The following CDH13 variants were observed in gnomAD, a reference collection of about 807,000 sequenced individuals.
The protein encoded by CDH13 is cadherin-13.
In CDH13, 24 loss-of-function variants were observed where a neutral mutation model predicts 63.8. That is an observed-to-expected ratio of 0.38 (90% CI 0.27 to 0.53). The LOEUF (loss-of-function observed/expected upper bound fraction) is 0.53. CDH13 is among the 20% of genes least tolerant of loss of function. The pLI is 0.85. For missense variants in CDH13, 1,049 were observed against 903.1 expected (o/e 1.16, Z -2.07); for synonymous variants, 503 against 355.3 (o/e 1.42, Z -4.67).
At position 83,305,000 on chromosome 16, in the gene CDH13, A is replaced by G. The variant is rs564517100; in HGVS notation, c.637-39862A>G. On this transcript the variant is annotated intron_variant, in intron 5 of 13. Coordinates refer to ENST00000567109, the MANE Select transcript of CDH13 (RefSeq NM_001257.5). Reference sequence around the variant, plus strand: ...TAAGCTCCAAGTATGTGTAATTGCAATGAGCCATATACGCATTCCCCACAG... The same window carrying G: ...TAAGCTCCAAGTATGTGTAATTGCAGTGAGCCATATACGCATTCCCCACAG... Among the ~76,000 whole-genome samples the G allele has an allele frequency of 6.8e-4, 104 of 152,340 alleles. No individual in the cohort carries two copies. The South Asian group carries it at 9.5e-3, about 14-fold the overall frequency.
chr16:83,552,875 T>G (rs997627590), intron 7 of CDH13, among the ~76,000 whole-genome samples: 1 of 152,166 alleles, frequency 6.6e-6, no homozygotes, highest in African/African-American at 2.4e-5. Context: ...GGTCAGGAGT[T>G]CGAGACCAGC....
rs528702523 is a variant in CDH13 at position 83,206,672 on chromosome 16, C to T, written c.484-10673C>T. 3.9e-5 allele frequency among the ~76,000 whole-genome samples: 6 copies of T among 152,356 alleles called. No individual in the cohort carries two copies. The East Asian group carries it at 1.2e-3, about 29-fold the overall frequency. On this transcript the variant is annotated intron_variant, in intron 4 of 13. Transcript: ENST00000567109. ...GCCACTGCTCCTAGGACCACAGAGT[C>T]TAATCAGAGAGATGGCTCTTAAACC...
At chr16:83,206,430 G>A (rs1040028327) in intron 4 of CDH13, among the ~76,000 whole-genome samples, 1 of 152,172 alleles carries the variant, frequency 6.6e-6, no homozygotes, top group Admixed American at 6.5e-5. Flanking sequence ...CACCCATGAC[G>A]TGCTGCAATG....
At chr16:82,700,760 G>A (rs557141558) in intron 1 of CDH13, among the ~76,000 whole-genome samples, 130 of 152,186 alleles carry the variant, frequency 8.5e-4, no homozygotes, top group African/African-American at 3.0e-3. Flanking sequence ...CAGTGATTAT[G>A]TTCCTGACAG....
At chr16:82,708,544 TG>T (rs1435958287) in intron 1 of CDH13, among the ~76,000 whole-genome samples, 3 of 152,220 alleles carry the variant, frequency 2.0e-5, no homozygotes, top group Non-Finnish European at 4.4e-5. Context: ...ATCTTGGATC[TG>T]GCCCCAGATA....
intron 3 of CDH13, among the ~76,000 whole-genome samples, chr16:83,097,900 T>C (rs1364436770): frequency 6.6e-6 from 1 of 152,104 alleles, no homozygotes; most frequent in Non-Finnish European, 1.5e-5. Context: ...TCATTCCTTC[T>C]TACAAAAAAT....
At chr16:82,710,555 A>ATG (rs1567649958) in intron 1 of CDH13, among the ~76,000 whole-genome samples, 268 of 77,900 alleles carry the variant, frequency 3.4e-3, no homozygotes, top group Non-Finnish European at 5.8e-3. Context: ...AAAAAAAAAT[A>ATG]TATATATATA....
intron 1 of CDH13, among the ~76,000 whole-genome samples, chr16:82,803,566 C>G (rs76012821): frequency 6.6e-6 from 1 of 152,000 alleles, no homozygotes; most frequent in Non-Finnish European, 1.5e-5. Flanking sequence ...CGCTCTAAGT[C>G]GTTTAGGTGT....
chr16:83,355,901 C>T (rs866236366), intron 6 of CDH13, among the ~76,000 whole-genome samples: 1 of 152,192 alleles, frequency 6.6e-6, no homozygotes, highest in Non-Finnish European at 1.5e-5. Flanking sequence ...CTATTATGTA[C>T]TGGATACTGG....
chr16:83,630,170 T>C (rs906756256), intron 8 of CDH13, among the ~76,000 whole-genome samples: 2 of 152,146 alleles, frequency 1.3e-5, no homozygotes, highest in African/African-American at 4.8e-5. Flanking sequence ...AGATCAGGCA[T>C]AGTTTTTAAC....
intron 5 of CDH13, among the ~76,000 whole-genome samples, chr16:83,252,820 A>G (rs572733402): frequency 2.0e-5 from 3 of 152,210 alleles, no homozygotes; most frequent in African/African-American, 7.2e-5. Context: ...GGAATTTCCT[A>G]GCCCCAAAAA....
rs367637876 is a variant in CDH13, at chr16:83,670,798, C to A, written c.1110C>A (p.Ala370=). 6.2e-7 allele frequency: 1 copy of A among 1,613,896 alleles called. No individual in the cohort carries two copies. Residue 370 remains alanine, a synonymous_variant, in exon 9 of 14, where the codon GCC becomes GCA. Coordinates refer to ENST00000567109, the MANE Select transcript of CDH13 (RefSeq NM_001257.5). ...ATCTGCTTTGTTTGCAGTTTCAAGC[C>A]ACAGTCGAGGAAGGAGCTGTGGGAG... ...SPKFTKKEFQ[A]TVEEGAVGVI...
chr16:83,295,085 T>C (rs1414296438), intron 5 of CDH13, among the ~76,000 whole-genome samples: 1 of 152,068 alleles, frequency 6.6e-6, no homozygotes, highest in African/African-American at 2.4e-5. Context: ...CATGCATCTA[T>C]GGCCAACTAA....
In CDH13 at chr16:83,217,382, G is replaced by C; in HGVS notation, c.521G>C (p.Arg174Pro). The C allele has an allele frequency of 6.2e-7, 1 of 1,613,824 alleles. No individual in the cohort carries two copies. Among genetic ancestry groups the C allele is most frequent in the Non-Finnish European group, 8.5e-7 (1 of 1,179,808 alleles). ...GACAGGCCAGAAAGGTCCAAGTTCC[G>C]GCTCACTGGAAAGGGAGTGGATCAA... is the stretch of plus-strand genomic sequence containing the variant. The part of the protein sequence containing the change: ...DSDRPERSKF[R>P]LTGKGVDQEP... The change falls in exon 5 of 14, where the codon CGG becomes CCG. Residue 174 changes from arginine (R) to proline (P), a missense_variant. Arg to Pro is a moderately radical substitution (Grantham distance 103). Transcript: ENST00000567109.
chr16:82,629,304 C>T (rs1006004676), intron 1 of CDH13, among the ~76,000 whole-genome samples: 1 of 152,122 alleles, frequency 6.6e-6, no homozygotes, highest in Non-Finnish European at 1.5e-5. Flanking sequence ...AAATGATTGC[C>T]CTGAGAGGCT....
chr16:83,234,194 C>A (rs55702292), intron 5 of CDH13, among the ~76,000 whole-genome samples: 2,663 of 152,300 alleles, frequency 0.017, 91 homozygotes, highest in African/African-American at 0.061. Context: ...GTTTTCTTTC[C>A]AGAGTGGGAG....
chr16:83,663,814 C>T (rs1444656505), intron 8 of CDH13, among the ~76,000 whole-genome samples: 4 of 152,076 alleles, frequency 2.6e-5, no homozygotes, highest in South Asian at 2.1e-4. Flanking sequence ...GTCTCTGACA[C>T]CACTCCGCAT....
At chr16:83,232,080 A>G (rs1235768472) in intron 5 of CDH13, among the ~76,000 whole-genome samples, 1 of 152,130 alleles carries the variant, frequency 6.6e-6, no homozygotes, top group Non-Finnish European at 1.5e-5. Flanking sequence ...GGAGAGGATC[A>G]GGAAACATAA....
intron 1 of CDH13, among the ~76,000 whole-genome samples, chr16:82,797,638 A>C (rs1032950775): frequency 6.6e-6 from 1 of 152,148 alleles, no homozygotes; most frequent in Non-Finnish European, 1.5e-5. Context: ...ATTCTCATTT[A>C]CCTGTTTAGG....
Sources: gnomAD v4.1 joint callset for allele counts (sites outside exome capture counted in the v4.1 genomes callset) on GRCh38, gnomAD v4.1.1 for gene constraint, MANE v1.5 for transcripts, NCBI Gene and HGNC (gene_info 2026-07-23, HGNC 2026-07-21) for gene names.